Variants in ARHGAP15 observed in about 807,000 individuals in gnomAD.
ARHGAP15 encodes Rho GTPase activating protein 15.
In ARHGAP15, 51 loss-of-function variants were observed where a neutral mutation model predicts 63.7. That is an observed-to-expected ratio of 0.80 (90% CI 0.64 to 1.01). The LOEUF (loss-of-function observed/expected upper bound fraction) is 1.01. Ranked by LOEUF, ARHGAP15 falls within the 50% of genes least tolerant of loss-of-function variation. The pLI, the probability that ARHGAP15 is intolerant of heterozygous loss-of-function variation, is 0.00. For missense variants in ARHGAP15, 560 were observed against 564.6 expected (o/e 0.99, Z 0.08); for synonymous variants, 191 against 193.8 (o/e 0.99, Z 0.12).
chr2:143,475,992 A>C (rs1470953793), intron 8 of ARHGAP15, among the ~76,000 whole-genome samples: 1 of 152,218 alleles, frequency 6.6e-6, no homozygotes, highest in Non-Finnish European at 1.5e-5. Flanking sequence ...GTTAACCAAG[A>C]GTCTCCCCTG....
In ARHGAP15 at chr2:143,341,002, G is replaced by A. The variant is rs141786050; in HGVS notation, c.474+90402G>A. On this transcript the variant is annotated intron_variant, in intron 6 of 13. Coordinates refer to ENST00000295095, the MANE Select transcript of ARHGAP15 (RefSeq NM_018460.4). ...AGACAGGTAGCTTTTTGTTTTTACC[G>A]TTTTGGGAGTATTTATTCATTCATT... Among the ~76,000 whole-genome samples, 17 of 148,170 alleles carry A rather than the reference G, an allele frequency of 1.1e-4. No homozygotes were observed. In the East Asian group the frequency reaches 1.9e-3, roughly 17 times the overall value.
At chr2:143,310,835 T>C (rs376085911) in intron 6 of ARHGAP15, among the ~76,000 whole-genome samples, 1 of 152,042 alleles carries the variant, frequency 6.6e-6, no homozygotes, top group Non-Finnish European at 1.5e-5. Flanking sequence ...ATGTATTGTA[T>C]AGGTTTATAT....
rs537309045 is a variant in ARHGAP15 at position 143,752,094 on chromosome 2, G to C, written c.1245-15895G>C. Among the ~76,000 whole-genome samples the C allele has an allele frequency of 7.9e-5, 12 of 152,142 alleles. 1 individual carries two copies. The South Asian group carries it at 2.5e-3, about 32-fold the overall frequency. ...ACCATCTCATAATTCTCTGAGTCGG[G>C]CCCCCTTGGCTGCCCCTCAACCCTG... On this transcript the variant is annotated intron_variant, in intron 13 of 13. Transcript: ENST00000295095.
At chr2:143,409,950 G>A (rs1396732006) in intron 6 of ARHGAP15, among the ~76,000 whole-genome samples, 2 of 151,990 alleles carry the variant, frequency 1.3e-5, no homozygotes, top group Non-Finnish European at 2.9e-5. Flanking sequence ...TTTGAATGCT[G>A]TAGGAGCACC....
chr2:143,667,722 G>A (rs927607776), intron 12 of ARHGAP15, among the ~76,000 whole-genome samples: 8 of 151,956 alleles, frequency 5.3e-5, no homozygotes, highest in African/African-American at 1.7e-4. Context: ...GGCAGGGCAC[G>A]GTGGCTCCCA....
intron 6 of ARHGAP15, among the ~76,000 whole-genome samples, chr2:143,395,107 AATAAT>A (rs771217919): frequency 1.3e-4 from 20 of 152,196 alleles, no homozygotes; most frequent in African/African-American, 3.9e-4. Flanking sequence ...ATAAAACGTG[AATAAT>A]ATAATAATTT....
chr2:143,264,093 A>T (rs893455485), intron 6 of ARHGAP15, among the ~76,000 whole-genome samples: 1 of 151,276 alleles, frequency 6.6e-6, no homozygotes, highest in African/African-American at 2.4e-5. Context: ...GAAAAATGGG[A>T]ATTTGAGCCA....
At chr2:143,589,847 T>G (rs964951892) in intron 11 of ARHGAP15, among the ~76,000 whole-genome samples, 10 of 152,140 alleles carry the variant, frequency 6.6e-5, no homozygotes, top group African/African-American at 2.4e-4. Flanking sequence ...TGTTAAAAAA[T>G]TAAAATTAAA....
chr2:143,182,224 A>G (rs1444994963), intron 2 of ARHGAP15, among the ~76,000 whole-genome samples: 2 of 152,094 alleles, frequency 1.3e-5, no homozygotes, highest in African/African-American at 2.4e-5. Flanking sequence ...CGGTCTCCCA[A>G]ATTGCTGGAA....
chr2:143,550,816 A>G (rs1190615982), intron 10 of ARHGAP15, among the ~76,000 whole-genome samples: 2 of 152,226 alleles, frequency 1.3e-5, no homozygotes, highest in Non-Finnish European at 2.9e-5. Context: ...TTATTAACCC[A>G]TAGATAAGTC....
chr2:143,634,595 C>G (rs1029007848), intron 12 of ARHGAP15, among the ~76,000 whole-genome samples: 5 of 152,138 alleles, frequency 3.3e-5, no homozygotes, highest in Admixed American at 3.3e-4. Flanking sequence ...GAGGACCTTG[C>G]TGTCCATTCT....
At chr2:143,668,738 A>T (rs1413220863) in intron 12 of ARHGAP15, among the ~76,000 whole-genome samples, 1 of 152,198 alleles carries the variant, frequency 6.6e-6, no homozygotes, top group East Asian at 1.9e-4. Flanking sequence ...CTCTTATTGC[A>T]ATCCTTTGAT....
At chr2:143,555,865 T>TAGAATAGAAC (rs1695768127) in intron 10 of ARHGAP15, among the ~76,000 whole-genome samples, 1 of 21,062 alleles carries the variant, frequency 4.7e-5, no homozygotes, top group Non-Finnish European at 9.2e-5. Context: ...AAAACAAGAA[T>TAGAATAGAAC]AGAATAGAAT....
chr2:143,539,685 C>T (rs1401812010), intron 10 of ARHGAP15, among the ~76,000 whole-genome samples: 15 of 152,040 alleles, frequency 9.9e-5, no homozygotes, highest in Admixed American at 4.6e-4. Flanking sequence ...TGTAGTTGAG[C>T]AGTTTTGAGT....
At chr2:143,568,834 TA>T (rs1170900604) in intron 11 of ARHGAP15, among the ~76,000 whole-genome samples, 1 of 152,178 alleles carries the variant, frequency 6.6e-6, no homozygotes, top group South Asian at 2.1e-4. Context: ...TATGCAGCCA[TA>T]AAAAAGGATG....
intron 6 of ARHGAP15, among the ~76,000 whole-genome samples, chr2:143,388,640 A>AT (rs1242059697): frequency 1.3e-5 from 2 of 152,186 alleles, no homozygotes; most frequent in Admixed American, 1.3e-4. Flanking sequence ...ATATGTGTTT[A>AT]TACATACACA....
At chr2:143,652,896 T>C (rs1039010882) in intron 12 of ARHGAP15, among the ~76,000 whole-genome samples, 7 of 151,888 alleles carry the variant, frequency 4.6e-5, no homozygotes, top group Non-Finnish European at 8.8e-5. Flanking sequence ...GCTGGATACA[T>C]TTTTTTTCCT....
chr2:143,572,048 T>G (rs938595934), intron 11 of ARHGAP15: 1 of 152,260 alleles, frequency 6.6e-6, no homozygotes, highest in African/African-American at 2.4e-5. Flanking sequence ...GTTTCAGTAC[T>G]GGTTTTAGTC....
chr2:143,656,596 A>C (rs1681446893), intron 12 of ARHGAP15, among the ~76,000 whole-genome samples: 1 of 152,212 alleles, frequency 6.6e-6, no homozygotes, highest in South Asian at 2.1e-4. Flanking sequence ...TGAAGGTGAT[A>C]ATGTTCTGAA....
Sources: allele counts gnomAD v4.1 joint callset (sites outside exome capture counted in the v4.1 genomes callset), GRCh38; gene constraint gnomAD v4.1.1; transcripts MANE v1.5; gene names NCBI Gene and HGNC (gene_info 2026-07-23, HGNC 2026-07-21).